ERC2: variants seen among roughly 807,000 people sequenced by gnomAD.
The protein encoded by ERC2 is ELKS/RAB6-interacting/CAST family member 2, also known as ERC protein 2.
Under a neutral mutation model 114.8 loss-of-function variants are expected in ERC2, and 42 were observed. That is an observed-to-expected ratio of 0.37 (90% CI 0.29 to 0.47). The LOEUF (loss-of-function observed/expected upper bound fraction) is 0.47. Among genes scored for constraint, ERC2 ranks in the 20% least tolerant of loss-of-function variants. ERC2 has a pLI of 0.99. For synonymous variants in ERC2, 454 were observed against 425.5 expected (o/e 1.07, Z -0.82); for missense variants, 939 against 1,150.7 (o/e 0.82, Z 2.66).
intron 5 of ERC2, among the ~76,000 whole-genome samples, chr3:56,142,621 TTA>T (rs745664702): frequency 1.3e-5 from 2 of 152,152 alleles, no homozygotes; most frequent in Admixed American, 6.5e-5. Flanking sequence ...GCTTGGTTTC[TTA>T]TAGTCTCTTG....
chr3:56,027,885 A>T (rs1359016015), intron 7 of ERC2, among the ~76,000 whole-genome samples: 1 of 152,164 alleles, frequency 6.6e-6, no homozygotes, highest in Non-Finnish European at 1.5e-5. Flanking sequence ...TAAATCATGA[A>T]GATTTTCTCC....
chr3:56,243,993 G>C (rs2051502623), intron 3 of ERC2, among the ~76,000 whole-genome samples: 1 of 152,148 alleles, frequency 6.6e-6, no homozygotes, highest in East Asian at 1.9e-4. Flanking sequence ...TGAAACGCCT[G>C]GGATGCCTCG....
chr3:55,626,057 C>G (rs533248022), intron 17 of ERC2, among the ~76,000 whole-genome samples: 1 of 152,180 alleles, frequency 6.6e-6, no homozygotes, highest in Non-Finnish European at 1.5e-5. Context: ...CAGCTACTTT[C>G]GCTTCCCAGA....
intron 15 of ERC2, among the ~76,000 whole-genome samples, chr3:55,716,825 C>G (rs1356701168): frequency 6.6e-6 from 1 of 152,196 alleles, no homozygotes; most frequent in Non-Finnish European, 1.5e-5. Flanking sequence ...CCAGAGTGAT[C>G]CAAAATCTTG....
intron 4 of ERC2, among the ~76,000 whole-genome samples, chr3:56,161,159 G>C (rs921243251): frequency 6.6e-6 from 1 of 152,140 alleles, no homozygotes; most frequent in Non-Finnish European, 1.5e-5. Context: ...CCCAGTTCTT[G>C]CTCCAGCTTT....
chr3:56,433,086 G>A (rs1329344154), intron 2 of ERC2, among the ~76,000 whole-genome samples: 3 of 151,934 alleles, frequency 2.0e-5, no homozygotes, highest in Admixed American at 2.0e-4. Flanking sequence ...GCTGAGGTGT[G>A]GAGGATCATT....
At chr3:55,943,622 A>G (rs1305882720) in intron 13 of ERC2, among the ~76,000 whole-genome samples, 1 of 152,208 alleles carries the variant, frequency 6.6e-6, no homozygotes, top group Non-Finnish European at 1.5e-5. Flanking sequence ...TATAAAATAA[A>G]GATAGATAAA....
chr3:56,454,667 T>C (rs1308797866), intron 1 of ERC2, among the ~76,000 whole-genome samples: 1 of 152,076 alleles, frequency 6.6e-6, no homozygotes, highest in African/African-American at 2.4e-5. Context: ...ATGGCCAACA[T>C]GGCAAAACCC....
At chr3:56,064,032 A>T (rs1024362364) in intron 7 of ERC2, among the ~76,000 whole-genome samples, 5 of 152,218 alleles carry the variant, frequency 3.3e-5, no homozygotes, top group East Asian at 1.9e-4. Context: ...TGGAAAAAAA[A>T]TTTTTTTAAA....
intron 12 of ERC2, among the ~76,000 whole-genome samples, chr3:55,981,100 C>A (rs2070097067): frequency 6.6e-6 from 1 of 152,232 alleles, no homozygotes; most frequent in African/African-American, 2.4e-5. Flanking sequence ...GGTGTAAGCA[C>A]CAATCCCTGG....
intron 3 of ERC2, among the ~76,000 whole-genome samples, chr3:56,234,817 G>A (rs985593968): frequency 2.0e-5 from 3 of 151,784 alleles, no homozygotes; most frequent in African/African-American, 7.3e-5. Flanking sequence ...ACTCCTGTGA[G>A]AACAGCATTA....
At chr3:56,018,846 C>T in intron 8 of ERC2, 48 bp downstream of exon 8, 1 of 1,586,038 alleles carries the variant, frequency 6.3e-7, no homozygotes, top group African/African-American at 1.4e-5. Context: ...CTTTCCCCAA[C>T]TCTGTTTCCC....
intron 14 of ERC2, among the ~76,000 whole-genome samples, chr3:55,764,756 A>G (rs1408282820): frequency 6.6e-6 from 1 of 152,220 alleles, no homozygotes; most frequent in East Asian, 1.9e-4. Flanking sequence ...AGAATTCATG[A>G]GACCAACTGA....
At position 56,353,804 on chromosome 3, in the gene ERC2, T is replaced by TAA. The variant is rs1375542282; in HGVS notation, c.658-57371_658-57370dup. Among the ~76,000 whole-genome samples the TAA allele has an allele frequency of 5.0e-4, 13 of 26,076 alleles. No homozygotes were observed. In the South Asian group the frequency reaches 6.7e-3, roughly 13 times the overall value. 17.1% of individuals were successfully genotyped at this position (26,076 alleles called of 152,430 possible). A position where few individuals can be genotyped will look rare whatever the true frequency, so the allele number is the denominator to read the frequency against. ...ATGTACCCTAGAACTTAACGTATAA[T>TAA]AAAATATATATATATATATAAAGAA... On this transcript the variant is annotated intron_variant, in intron 2 of 17. Coordinates refer to ENST00000288221, the MANE Select transcript of ERC2 (RefSeq NM_015576.3).
chr3:55,669,480 T>C (rs1349977172), intron 17 of ERC2, among the ~76,000 whole-genome samples: 4 of 152,166 alleles, frequency 2.6e-5, no homozygotes, highest in Non-Finnish European at 4.4e-5. Context: ...GATAAGAGAG[T>C]ACAAAGATCT....
At chr3:55,748,924 C>T (rs1363719656) in intron 14 of ERC2, among the ~76,000 whole-genome samples, 2 of 152,160 alleles carry the variant, frequency 1.3e-5, no homozygotes, top group African/African-American at 2.4e-5. Context: ...TTCCAAAATA[C>T]AAGGAGTTTT....
chr3:55,560,050 G>C (rs67204048), intron 17 of ERC2, among the ~76,000 whole-genome samples: 28,291 of 152,158 alleles, frequency 0.19, 2,952 homozygotes, highest in Middle Eastern at 0.27. Flanking sequence ...TACTTCTCCG[G>C]AGTAGTGCAG....
At chr3:55,703,289 C>A (rs776824640) in intron 15 of ERC2, among the ~76,000 whole-genome samples, 4 of 152,248 alleles carry the variant, frequency 2.6e-5, no homozygotes, top group Admixed American at 2.6e-4. Context: ...CTGCTAGTTA[C>A]TTCCAGAGTT....
chr3:55,711,493 T>C (rs1449440128), intron 15 of ERC2, among the ~76,000 whole-genome samples: 1 of 152,208 alleles, frequency 6.6e-6, no homozygotes, highest in Admixed American at 6.5e-5. Flanking sequence ...ATCAAGAACA[T>C]AGAGAGCTTC....
Sources: gnomAD v4.1 joint callset for allele counts (sites outside exome capture counted in the v4.1 genomes callset) on GRCh38, gnomAD v4.1.1 for gene constraint, MANE v1.5 for transcripts, NCBI Gene and HGNC (gene_info 2026-07-23, HGNC 2026-07-21) for gene names.